CACNA1D: variants seen among roughly 807,000 people sequenced by gnomAD.
CACNA1D encodes the protein voltage-dependent L-type calcium channel subunit alpha-1D.
CACNA1D carries 55 observed loss-of-function variants against 257.1 expected under a neutral mutation model. The ratio of observed to expected loss-of-function variants is 0.21; its 90% confidence interval spans 0.17 to 0.27. The LOEUF (loss-of-function observed/expected upper bound fraction) is 0.27, where lower values mean the gene tolerates loss of function less well. Among genes scored for constraint, CACNA1D ranks in the 10% least tolerant of loss-of-function variants. The probability of loss-of-function intolerance (pLI) is 1.00; values close to 1 mark genes in which losing one functional copy is unlikely to be tolerated. For synonymous variants in CACNA1D, 980 were observed against 1,014.9 expected, an observed-to-expected ratio of 0.97 and a Z score of 0.65; for missense variants, 1,876 against 2,784.0, an observed-to-expected ratio of 0.67 and a Z score of 7.34.
chr3:53,529,915 C>T (rs1032972791), intron 3 of CACNA1D, among the ~76,000 whole-genome samples: 3 of 151,920 alleles, frequency 2.0e-5, no homozygotes, highest in African/African-American at 7.3e-5. Flanking sequence ...CCTTTCTCTC[C>T]TCTTTGGGTT....
chr3:53,728,497 C>T (rs1576478766), intron 15 of CACNA1D, among the ~76,000 whole-genome samples: 1 of 152,312 alleles, frequency 6.6e-6, no homozygotes, highest in South Asian at 2.1e-4. Context: ...GGATAAGCTT[C>T]TTGAGTCAGG....
rs1409181545 is a variant in CACNA1D at position 53,780,021 on chromosome 3, T to C, written c.4588-5T>C. 1 of 1,600,620 alleles carries C rather than the reference T, an allele frequency of 6.2e-7. No homozygotes were observed. Among genetic ancestry groups the C allele is most frequent in the Admixed American group, 1.7e-5 (1 of 60,030 alleles). On this transcript the variant is annotated splice_polypyrimidine_tract_variant and splice_region_variant and intron_variant, in intron 37 of 47. Coordinates refer to ENST00000350061, the MANE Select transcript of CACNA1D (RefSeq NM_001128840.3). ...CTACAAAGAAACCTTCCTTTCTGTT[T>C]ACAGAGATTAGTTGCCATGAACATG...
At chr3:53,516,670 G>A (rs537146868) in intron 3 of CACNA1D, among the ~76,000 whole-genome samples, 39 of 152,250 alleles carry the variant, frequency 2.6e-4, no homozygotes, top group Non-Finnish European at 4.3e-4. Flanking sequence ...CTTCATGGAA[G>A]TATGTTCCCC....
chr3:53,675,321 G>T (rs1439537528), intron 8 of CACNA1D, among the ~76,000 whole-genome samples: 1 of 152,222 alleles, frequency 6.6e-6, no homozygotes, highest in Non-Finnish European at 1.5e-5. Context: ...CTTAGGCTAG[G>T]GTTGGACATG....
intron 3 of CACNA1D, among the ~76,000 whole-genome samples, chr3:53,635,036 C>T (rs1466783878): frequency 2.0e-5 from 3 of 152,192 alleles, no homozygotes; most frequent in Non-Finnish European, 4.4e-5. Flanking sequence ...ATTACAGCCT[C>T]GGGCTCTGTG....
chr3:53,547,215 C>A (rs1358705069), intron 3 of CACNA1D, among the ~76,000 whole-genome samples: 1 of 152,116 alleles, frequency 6.6e-6, no homozygotes, highest in Non-Finnish European at 1.5e-5. Flanking sequence ...TTAAGGCTCA[C>A]TGGTTGTGGT....
Position 53,751,847 on chromosome 3 carries a change from G to A in CACNA1D, c.3615G>A (p.Ser1205=). The A allele has an allele frequency of 2.5e-6, 4 of 1,613,982 alleles. No individual in the cohort carries two copies. Among genetic ancestry groups the A allele is most frequent in the Non-Finnish European group, 1.7e-6 (2 of 1,179,956 alleles). ...QYKFWYVVNS[S]PFEYMMFVLI... ...AGTTCTGGTACGTGGTGAACTCTTC[G>A]CCTTTCGAATACATGATGTTTGTCC... is the stretch of plus-strand genomic sequence containing the variant. Residue 1205 remains serine, a synonymous_variant, in exon 28 of 48, where the codon TCG becomes TCA. Transcript: ENST00000350061. This position sits in a 1 kb window ranked among gnomAD's most constrained non-coding sequence, Gnocchi z 4.3.
At chr3:53,561,949 G>A (rs1278349192) in intron 3 of CACNA1D, among the ~76,000 whole-genome samples, 1 of 152,092 alleles carries the variant, frequency 6.6e-6, no homozygotes, top group Non-Finnish European at 1.5e-5. Context: ...GAAATGTGAT[G>A]GAAAAGAAAA....
intron 3 of CACNA1D, among the ~76,000 whole-genome samples, chr3:53,575,978 A>T (rs934913940): frequency 2.6e-5 from 4 of 152,110 alleles, no homozygotes; most frequent in Admixed American, 6.5e-5. Context: ...TGGAAAAATT[A>T]GTTATTTTTT....
At position 53,776,644 on chromosome 3, in the gene CACNA1D, C is replaced by T; in HGVS notation, c.4404C>T (p.Asp1468=). Residue 1468 remains aspartate (D), a synonymous_variant, in exon 36 of 48, where the codon GAC becomes GAT. Transcript: ENST00000350061. ...TGGCTGTCATCATGGATAATTTCGA[C>T]TATCTGACCCGGGACTGGTCTATTT... is the stretch of plus-strand genomic sequence containing the variant. ...LFVAVIMDNF[D]YLTRDWSILG... 1 of 1,614,212 alleles carries T rather than the reference C, an allele frequency of 6.2e-7. No homozygotes were observed. The highest frequency in any genetic ancestry group is 8.5e-7 in the Non-Finnish European group (1 of 1,180,026).
chr3:53,706,693 C>T (rs1224869367), intron 9 of CACNA1D, among the ~76,000 whole-genome samples: 2 of 152,080 alleles, frequency 1.3e-5, no homozygotes, highest in Non-Finnish European at 2.9e-5. Flanking sequence ...GCGGTGAAGT[C>T]TGGGCTTTTA....
intron 3 of CACNA1D, among the ~76,000 whole-genome samples, chr3:53,573,390 G>A (rs1267182783): frequency 2.6e-5 from 4 of 152,002 alleles, no homozygotes; most frequent in Non-Finnish European, 4.4e-5. Flanking sequence ...TGTGCCCTGG[G>A]GCCTTTGTAC....
chr3:53,718,512 GCTCCTCGTACCCCACGCCACGCTTC>G, intron 10 of CACNA1D, 124 bp downstream of exon 10: 1 of 1,068,756 alleles, frequency 9.4e-7, no homozygotes, highest in Admixed American at 2.0e-5. Context: ...GGGTGGGAAG[GCTCCTCGTACCCCACGCCACGCTTC>G]CTCCTGTGCC....
chr3:53,805,211 C>T, intron 45 of CACNA1D, 65 bp downstream of exon 45: 1 of 1,482,392 alleles, frequency 6.7e-7, no homozygotes, highest in African/African-American at 1.4e-5. Flanking sequence ...CCCCCAACCC[C>T]CGCTCTGGGG....
intron 3 of CACNA1D, among the ~76,000 whole-genome samples, chr3:53,649,363 G>A (rs1464882005): frequency 1.3e-5 from 2 of 152,178 alleles, no homozygotes; most frequent in African/African-American, 4.8e-5. Context: ...ATATAATAGT[G>A]ATAATATATA....
Position 53,495,803 on chromosome 3 carries a change from G to A in CACNA1D, c.67+570G>A, listed in dbSNP as rs936822938. On this transcript the variant is annotated intron_variant, in intron 1 of 47. Transcript: ENST00000350061. The surrounding 1 kb of genome is among the most constrained non-coding windows in gnomAD (Gnocchi z 5.1). ...AGCGTGCGTTCCCGCTCCCGTCGCC[G>A]GCTGTGCACACGTCGGTAACCTAGC... Among the ~76,000 whole-genome samples, 2 of 152,200 alleles carry A rather than the reference G, an allele frequency of 1.3e-5. No individual in the cohort carries two copies. The highest frequency in any genetic ancestry group is 1.5e-5 in the Non-Finnish European group (1 of 68,038).
chr3:53,642,763 C>T (rs766610088), intron 3 of CACNA1D, among the ~76,000 whole-genome samples: 29 of 152,222 alleles, frequency 1.9e-4, no homozygotes, highest in Admixed American at 9.2e-4. Context: ...CATCTTGGGC[C>T]AGGGCCTTGC....
chr3:53,792,104 T>C (rs1484067811), intron 40 of CACNA1D: 10 of 152,250 alleles, frequency 6.6e-5, no homozygotes, highest in Admixed American at 2.0e-4. Context: ...GAAATTCTTG[T>C]TTTCCTTTGA....
At chr3:53,685,942 C>G (rs2094470094) in intron 8 of CACNA1D, among the ~76,000 whole-genome samples, 1 of 151,866 alleles carries the variant, frequency 6.6e-6, no homozygotes, top group South Asian at 2.1e-4. Context: ...ATAGAAAACA[C>G]AAATTATAAA....
Sources: gnomAD v4.1 joint callset for allele counts (sites outside exome capture counted in the v4.1 genomes callset) on GRCh38, gnomAD v4.1.1 for gene constraint, Gnocchi (gnomAD v3.1) non-coding constraint, MANE v1.5 for transcripts, NCBI Gene and HGNC (gene_info 2026-07-23, HGNC 2026-07-21) for gene names.